The following AMMECR1 variants were observed in gnomAD, a reference collection of about 807,000 sequenced individuals.
The protein encoded by AMMECR1 is nuclear protein AMMECR1.
AMMECR1 carries 3 observed loss-of-function variants against 22.5 expected under a neutral mutation model. That is an observed-to-expected ratio of 0.13 (90% CI 0.06 to 0.35). The LOEUF is 0.35. Ranked by LOEUF, AMMECR1 falls within the 10% of genes least tolerant of loss-of-function variation. The probability of loss-of-function intolerance (pLI) is 1.00; values close to 1 mark genes in which losing one functional copy is unlikely to be tolerated. For missense variants in AMMECR1, 235 were observed against 278.7 expected (o/e 0.84, Z 1.12); for synonymous variants, 130 against 116.7 (o/e 1.11, Z -0.74).
chrX:110,404,576 C>T (rs1015865762), intron 2 of AMMECR1, among the ~76,000 whole-genome samples: 2 of 112,152 alleles, frequency 1.8e-5, no homozygotes, highest in Non-Finnish European at 3.8e-5. Context: ...ACAGGTAACA[C>T]ATGCAGTAGG....
chrX:110,437,001 C>T (rs1054443151), intron 1 of AMMECR1, among the ~76,000 whole-genome samples: 7 of 112,196 alleles, frequency 6.2e-5, no homozygotes, highest in East Asian at 5.6e-4. Context: ...GATTCCATTT[C>T]GCCTCTAGGA....
intron 2 of AMMECR1, among the ~76,000 whole-genome samples, chrX:110,256,200 A>G (rs2067710273): frequency 8.9e-6 from 1 of 112,094 alleles, no homozygotes; most frequent in South Asian, 3.7e-4. Context: ...ATGTTACTAT[A>G]CTGCATAATG....
chrX:110,273,921 A>G (rs2067812302), intron 1 of AMMECR1, among the ~76,000 whole-genome samples: 1 of 111,003 alleles, frequency 9.0e-6, no homozygotes. Flanking sequence ...CGGTGTGATG[A>G]CTCTCAACTT....
intron 2 of AMMECR1, among the ~76,000 whole-genome samples, chrX:110,402,071 C>T (rs1160502155): frequency 1.8e-5 from 2 of 112,334 alleles, no homozygotes; most frequent in African/African-American, 3.2e-5. Flanking sequence ...CTCTGTCCCA[C>T]ACTTTCCAGG....
intron 1 of AMMECR1, among the ~76,000 whole-genome samples, chrX:110,277,421 G>A (rs1352144489): frequency 9.3e-6 from 1 of 107,813 alleles, no homozygotes; most frequent in Non-Finnish European, 1.9e-5. Context: ...CCTGTCATGG[G>A]GTGGGGGGCT....
intron 2 of AMMECR1, among the ~76,000 whole-genome samples, chrX:110,343,298 C>T (rs750940356): frequency 2.7e-5 from 3 of 111,942 alleles, no homozygotes; most frequent in South Asian, 7.4e-4. Flanking sequence ...AACAGCCCGT[C>T]ATGCTAAAAA....
intron 1 of AMMECR1, chrX:110,426,855 G>A (rs1344862165): frequency 8.9e-6 from 1 of 111,938 alleles, no homozygotes; most frequent in African/African-American, 3.3e-5. Context: ...AATTCCCTGG[G>A]ACTATTGCTA....
chrX:110,274,921 T>C (rs1345656257), intron 1 of AMMECR1, among the ~76,000 whole-genome samples: 1 of 111,951 alleles, frequency 8.9e-6, no homozygotes. Flanking sequence ...CTTTATCTTA[T>C]TGCAACCTAC....
At chrX:110,231,489 C>A (rs191908996) in intron 2 of AMMECR1, among the ~76,000 whole-genome samples, 13 of 112,248 alleles carry the variant, frequency 1.2e-4, no homozygotes, top group East Asian at 5.6e-4. Flanking sequence ...ACCACCAGGC[C>A]TGTCTTACAA....
intron 2 of AMMECR1, among the ~76,000 whole-genome samples, chrX:110,378,031 A>G (rs1022068877): frequency 9.3e-6 from 1 of 107,596 alleles, no homozygotes; most frequent in South Asian, 3.9e-4. Flanking sequence ...AAAAAAAAAA[A>G]ATATCTACCT....
At chrX:110,259,442 C>A (rs2067727486) in intron 2 of AMMECR1, among the ~76,000 whole-genome samples, 1 of 111,179 alleles carries the variant, frequency 9.0e-6, no homozygotes, top group Admixed American at 9.5e-5. Context: ...GGTGACAGAC[C>A]ACAATCCTGT....
chrX:110,305,908 G>A (rs1416169435), intron 1 of AMMECR1, among the ~76,000 whole-genome samples: 4 of 110,866 alleles, frequency 3.6e-5, no homozygotes, highest in South Asian at 3.8e-4. Flanking sequence ...ACTTGAACCC[G>A]TGAGGTGGAG....
chrX:110,437,690 C>T (rs1198529471), intron 1 of AMMECR1, among the ~76,000 whole-genome samples: 2 of 111,485 alleles, frequency 1.8e-5, no homozygotes, highest in Non-Finnish European at 3.8e-5. Flanking sequence ...GAGTTCAATG[C>T]GGGTATCAGA....
intron 2 of AMMECR1, among the ~76,000 whole-genome samples, chrX:110,388,192 G>A (rs1285875579): frequency 9.0e-6 from 1 of 111,621 alleles, no homozygotes; most frequent in Non-Finnish European, 1.9e-5. Flanking sequence ...AAATGACATT[G>A]TAACATCCCA....
At chrX:110,318,112 G>C, upstream of AMMECR1, 2 of 1,079,753 alleles carry the variant, frequency 1.9e-6, no homozygotes, top group Non-Finnish European at 2.4e-6. Flanking sequence ...CGACCCATAA[G>C]TGAGGCGAGC....
intron 1 of AMMECR1, among the ~76,000 whole-genome samples, chrX:110,289,239 G>A (rs1374412735): frequency 1.8e-5 from 2 of 111,331 alleles, no homozygotes; most frequent in Non-Finnish European, 3.8e-5. Flanking sequence ...ACCTCTTTTA[G>A]TCACCCACTT....
intron 2 of AMMECR1, among the ~76,000 whole-genome samples, chrX:110,357,491 C>T (rs2068236546): frequency 8.9e-6 from 1 of 112,304 alleles, no homozygotes; most frequent in South Asian, 3.7e-4. Flanking sequence ...TGCCAGCAAA[C>T]GATTAACTTT....
intron 1 of AMMECR1, among the ~76,000 whole-genome samples, chrX:110,427,969 C>T (rs2068766615): frequency 8.9e-6 from 1 of 111,895 alleles, no homozygotes; most frequent in Admixed American, 9.4e-5. Flanking sequence ...GAACAGTTTT[C>T]CCCGCCTGTC....
Position 110,312,158 on chromosome X carries a change from T to C in AMMECR1, c.473+5441A>G, listed in dbSNP as rs765678422. 2.7e-5 allele frequency among the ~76,000 whole-genome samples: 3 copies of C among 112,690 alleles called. No homozygotes were observed. The East Asian group carries it at 8.3e-4, about 31-fold the overall frequency. On this transcript the variant is annotated intron_variant, in intron 1 of 5. Transcript: ENST00000262844. ...AAACTTGGGAACTGACTAATCTCAT[T>C]ACACAAGTTTTAGTGTTTCACACAT...
Sources: allele counts gnomAD v4.1 joint callset (sites outside exome capture counted in the v4.1 genomes callset), GRCh38; gene constraint gnomAD v4.1.1; transcripts MANE v1.5; gene names NCBI Gene and HGNC (gene_info 2026-07-23, HGNC 2026-07-21).